The following C3orf70 variants were observed in gnomAD, a reference collection of about 807,000 sequenced individuals.
The protein encoded by C3orf70 is UPF0524 protein C3orf70.
In C3orf70, 15 loss-of-function variants were observed where a neutral mutation model predicts 20.7. The observed-to-expected ratio is 0.72, with a 90% CI of 0.48 to 1.11. C3orf70 has a LOEUF of 1.11. Among genes scored for constraint, C3orf70 ranks in the 50% most tolerant of loss-of-function variants. C3orf70 has a pLI of 0.00. For synonymous variants in C3orf70, 161 were observed against 125.7 expected (o/e 1.28, Z -1.88); for missense variants, 332 against 317.6 (o/e 1.05, Z -0.34).
rs1340113785 is a variant in C3orf70 at position 185,080,580 on chromosome 3, C to G, written c.*2427G>C. ...GAACGGGCTCACCCACAGGGTGAAT[C>G]TAGACAGGGCCCTGGTGTTGCTGTT... is the stretch of plus-strand genomic sequence containing the variant. On this transcript the variant is annotated 3_prime_UTR_variant, in exon 2 of 2. Transcript: ENST00000335012. 6 of 152,734 alleles carry G rather than the reference C, an allele frequency of 3.9e-5. No homozygotes were observed. The highest frequency in any genetic ancestry group is 1.2e-4 in the African/African-American group (5 of 41,464). 9.5% of individuals were successfully genotyped at this position (152,734 alleles called of 1,614,324 possible). A position where few individuals can be genotyped will look rare whatever the true frequency, so the allele number is the denominator to read the frequency against.
chr3:185,107,552 C>A (rs1041980774), intron 1 of C3orf70, among the ~76,000 whole-genome samples: 1 of 152,194 alleles, frequency 6.6e-6, no homozygotes, highest in Non-Finnish European at 1.5e-5. Flanking sequence ...AGAACCTACA[C>A]CTTTAAAATG....
At chr3:185,096,151 T>C (rs1415784252) in intron 1 of C3orf70, among the ~76,000 whole-genome samples, 1 of 150,984 alleles carries the variant, frequency 6.6e-6, no homozygotes, top group African/African-American at 2.4e-5. Flanking sequence ...TCTGTTTTTT[T>C]CTTTAATAAT....
Position 185,152,915 on chromosome 3 carries a change from G to C in C3orf70, c.-92C>G. ...GCCGAGCCGGCTGCGGACGCGGGAG[G>C]GCGCGGCACGGGCCGGGAGTCACGC... On this transcript the variant is annotated 5_prime_UTR_variant, in exon 1 of 2. Transcript: ENST00000335012. The C allele has an allele frequency of 8.1e-7, 1 of 1,231,562 alleles. No homozygotes were observed. The highest frequency in any genetic ancestry group is 3.2e-5 in the East Asian group (1 of 31,366). 76.3% of individuals were successfully genotyped at this position (1,231,562 alleles called of 1,614,324 possible).
At chr3:185,117,454 A>AAGAGAGAGAGAG (rs3072374) in intron 1 of C3orf70, among the ~76,000 whole-genome samples, 107 of 142,010 alleles carry the variant, frequency 7.5e-4, no homozygotes, top group African/African-American at 2.7e-3. Flanking sequence ...CACACACAGA[A>AAGAGAGAGAGAG]AGAGAGAGAG....
At chr3:185,107,715 A>T (rs765317088) in intron 1 of C3orf70, among the ~76,000 whole-genome samples, 4 of 152,216 alleles carry the variant, frequency 2.6e-5, no homozygotes, top group Non-Finnish European at 5.9e-5. Context: ...ACTAAGAAAA[A>T]ATCAAGTAAA....
intron 1 of C3orf70, among the ~76,000 whole-genome samples, chr3:185,108,062 C>T (rs2108594843): frequency 6.6e-6 from 1 of 152,250 alleles, no homozygotes; most frequent in East Asian, 1.9e-4. Context: ...CTCACGAAGG[C>T]ACAAATACAG....
rs2063297 is a variant in C3orf70 at position 185,117,448 on chromosome 3, C to A, written c.197-33885G>T. On this transcript the variant is annotated intron_variant, in intron 1 of 1. Coordinates refer to ENST00000335012, the MANE Select transcript of C3orf70 (RefSeq NM_001025266.3). ...ACACACACACACACACACACACACACACAGAAAGAGAGAGAGAGAGAGAGA... is the reference window on the plus strand; with the variant it reads ...ACACACACACACACACACACACACAAACAGAAAGAGAGAGAGAGAGAGAGA... 1.2e-4 allele frequency among the ~76,000 whole-genome samples: 10 copies of A among 81,398 alleles called. 1 individual carries two copies. The highest frequency in any genetic ancestry group is 8.2e-4 in the South Asian group (2 of 2,446). The allele number at this position is 81,398 out of a possible 152,430, so 53.4% of individuals were successfully genotyped here.
In C3orf70 at chr3:185,152,742, A is replaced by C; in HGVS notation, c.82T>G (p.Cys28Gly). 6.3e-7 allele frequency: 1 copy of C among 1,594,202 alleles called. No homozygotes were observed. Among genetic ancestry groups the C allele is most frequent in the African/African-American group, 1.4e-5 (1 of 72,830 alleles). Residue 28 changes from cysteine to glycine, a missense_variant, in exon 1 of 2, where the codon TGC (cysteine) becomes GGC (glycine). By Grantham distance (159) the Cys-to-Gly change is radical. Coordinates refer to ENST00000335012, the MANE Select transcript of C3orf70 (RefSeq NM_001025266.3). ...TGGAAGTCGGGTCTGCGGGCGGCGC[A>C]ACTCCGCGCCAGGGCCTGAGCCTCA... Reference protein sequence around the residue: ...LDEAQALARSCAARRPDFQPC... With the variant: ...LDEAQALARSGAARRPDFQPC...
intron 1 of C3orf70, among the ~76,000 whole-genome samples, chr3:185,105,705 G>A (rs1162031344): frequency 6.6e-6 from 1 of 152,172 alleles, no homozygotes; most frequent in Admixed American, 6.5e-5. Context: ...AACCGAGCTG[G>A]TCTCGGCAAA....
chr3:185,117,949 G>A (rs1392270695), intron 1 of C3orf70, among the ~76,000 whole-genome samples: 1 of 152,038 alleles, frequency 6.6e-6, no homozygotes, highest in Non-Finnish European at 1.5e-5. Flanking sequence ...ACTTCCTCAG[G>A]GAATACTGCC....
chr3:185,147,883 ACT>A (rs1202274790), intron 1 of C3orf70, among the ~76,000 whole-genome samples: 2 of 152,038 alleles, frequency 1.3e-5, no homozygotes, highest in East Asian at 3.8e-4. Context: ...AATGAAAATC[ACT>A]CTTTGTGTAT....
intron 1 of C3orf70, among the ~76,000 whole-genome samples, chr3:185,151,633 T>C (rs773479683): frequency 3.9e-5 from 6 of 152,216 alleles, no homozygotes; most frequent in Admixed American, 3.9e-4. Flanking sequence ...TAAATAAGGA[T>C]TTGTTATGTA....
At chr3:185,092,767 C>T (rs1231702822) in intron 1 of C3orf70, among the ~76,000 whole-genome samples, 5 of 151,982 alleles carry the variant, frequency 3.3e-5, no homozygotes, top group African/African-American at 9.7e-5. Flanking sequence ...CCTAGGTGGG[C>T]GGATCACGAG....
intron 1 of C3orf70, among the ~76,000 whole-genome samples, chr3:185,114,414 T>C (rs1450158453): frequency 6.6e-6 from 1 of 152,324 alleles, no homozygotes; most frequent in South Asian, 2.1e-4. Context: ...CATGTAAATA[T>C]GTTTTTAGAG....
Position 185,152,647 on chromosome 3 carries a change from A to T in C3orf70, c.177T>A (p.Cys59Ter). The change falls in exon 1 of 2, where the codon TGT becomes TGA. Residue 59 changes from cysteine (C) to a stop codon, truncating the protein, a stop_gained. Transcript: ENST00000335012. LOFTEE classifies it high-confidence loss of function. ...ACTTACAGTGACACCATCCTAGGTGACAGCACCAGTGCAGCTTGAAGCACT... is the reference window on the plus strand; with the variant it reads ...ACTTACAGTGACACCATCCTAGGTGTCAGCACCAGTGCAGCTTGAAGCACT... ...HGKCFKLHWC[C>*]HLGWCHCKYM... 1 of 1,584,504 alleles carries T rather than the reference A, an allele frequency of 6.3e-7. No individual in the cohort carries two copies. Among genetic ancestry groups the T allele is most frequent in the East Asian group, 2.4e-5 (1 of 41,508 alleles).
chr3:185,111,963 G>T (rs370869507), intron 1 of C3orf70, among the ~76,000 whole-genome samples: 1 of 152,154 alleles, frequency 6.6e-6, no homozygotes. Context: ...TTTAAACAAA[G>T]AGATAGAAAA....
At chr3:185,123,545 G>C (rs1156309741) in intron 1 of C3orf70, among the ~76,000 whole-genome samples, 1 of 144,244 alleles carries the variant, frequency 6.9e-6, no homozygotes, top group Non-Finnish European at 1.5e-5. Flanking sequence ...TCACTACGTT[G>C]TCAAGACTGG....
chr3:185,146,587 A>G (rs1362484551), intron 1 of C3orf70, among the ~76,000 whole-genome samples: 1 of 152,132 alleles, frequency 6.6e-6, no homozygotes, highest in Non-Finnish European at 1.5e-5. Flanking sequence ...CATGCCCGGC[A>G]GAACCCTCAT....
chr3:185,115,141 C>T (rs1250689833), intron 1 of C3orf70, among the ~76,000 whole-genome samples: 4 of 150,944 alleles, frequency 2.6e-5, no homozygotes, highest in African/African-American at 9.8e-5. Flanking sequence ...TGGGATGGTA[C>T]TCTGGCATAT....
Sources: allele counts gnomAD v4.1 joint callset (sites outside exome capture counted in the v4.1 genomes callset), GRCh38; gene constraint gnomAD v4.1.1; transcripts MANE v1.5; gene names NCBI Gene and HGNC (gene_info 2026-07-23, HGNC 2026-07-21).